INSL6: variants seen among roughly 807,000 people sequenced by gnomAD.
INSL6 encodes insulin like 6.
In INSL6, 16 loss-of-function variants were observed where a neutral mutation model predicts 9.4. That is an observed-to-expected ratio of 1.70 (90% confidence interval 1.15 to 2.59). The LOEUF is 2.59. Among genes scored for constraint, INSL6 ranks in the 30% most tolerant of loss-of-function variants. The probability of loss-of-function intolerance (pLI) is 0.00; values close to 1 mark genes in which losing one functional copy is unlikely to be tolerated. For synonymous variants in INSL6, 154 were observed against 96.9 expected (o/e 1.59, Z -3.46); for missense variants, 391 against 257.3 (o/e 1.52, Z -3.56).
the INSL6 span, among the ~76,000 whole-genome samples, chr9:5,025,178 G>C: frequency 1.3e-5 from 2 of 151,914 alleles, no homozygotes; most frequent in Non-Finnish European, 2.9e-5. Context: ...TAGGTCCTTG[G>C]AACTACCTAC....
In INSL6 at chr9:5,163,981, A is replaced by G; in HGVS notation, c.574T>C (p.Cys192Arg). 6.2e-7 allele frequency: 1 copy of G among 1,612,396 alleles called. No homozygotes were observed. Among genetic ancestry groups the G allele is most frequent in the South Asian group, 1.1e-5 (1 of 90,890 alleles). Residue 192 changes from cysteine to arginine, a missense_variant, in exon 2 of 2, where the codon TGT becomes CGT. Cys to Arg is a radical substitution (Grantham distance 180). Coordinates refer to ENST00000381641, the MANE Select transcript of INSL6 (RefSeq NM_007179.3). ...GCTKEELSIA[C>R]LPYIDFKRLK... is the part of the protein sequence containing the mutation. ...CTTTTAAAATCAATATATGGAAGAC[A>G]TGCAATGCTAAGTTCTTCTTTTGTA...
At chr9:5,087,514 CT>C in the INSL6 span, among the ~76,000 whole-genome samples, 1 of 144,014 alleles carries the variant, frequency 6.9e-6, no homozygotes, top group African/African-American at 2.7e-5. Flanking sequence ...ATCTCAAACC[CT>C]TCTGGTTTTC....
chr9:5,068,896 C>T, the INSL6 span: 2 of 575,062 alleles, frequency 3.5e-6, no homozygotes, highest in East Asian at 2.9e-5. Flanking sequence ...TATACTGGCA[C>T]TACATCGGAT....
At chr9:5,017,579 G>C in the INSL6 span, among the ~76,000 whole-genome samples, 1 of 151,904 alleles carries the variant, frequency 6.6e-6, no homozygotes, top group African/African-American at 2.4e-5. Flanking sequence ...ATGTAATGTT[G>C]TTTGACATCT....
At chr9:5,019,878 G>A in the INSL6 span, among the ~76,000 whole-genome samples, 2 of 152,194 alleles carry the variant, frequency 1.3e-5, no homozygotes, top group African/African-American at 4.8e-5. Flanking sequence ...AACTTTTGCT[G>A]GGGATGGTGA....
At chr9:5,104,668 T>C in the INSL6 span, among the ~76,000 whole-genome samples, 1 of 152,224 alleles carries the variant, frequency 6.6e-6, no homozygotes, top group Non-Finnish European at 1.5e-5. Flanking sequence ...AATAAAATAC[T>C]GGCAAACCCA....
the INSL6 span, chr9:5,094,103 C>T: frequency 6.6e-6 from 1 of 152,094 alleles, no homozygotes; most frequent in African/African-American, 2.4e-5. Flanking sequence ...TAACAATATG[C>T]CTATAATTAA....
chr9:5,169,407 C>G (rs1478177947), intron 1 of INSL6, among the ~76,000 whole-genome samples: 2 of 152,144 alleles, frequency 1.3e-5, no homozygotes, highest in Non-Finnish European at 2.9e-5. Context: ...CCATTATCAG[C>G]CACTACAAAA....
chr9:5,073,584 A>C, the INSL6 span: 2 of 784,728 alleles, frequency 2.5e-6, no homozygotes, highest in African/African-American at 3.4e-5. Flanking sequence ...ATCCTCATCT[A>C]TAGTCATGCT....
In INSL6 at chr9:5,164,270, TGAG is replaced by T; in HGVS notation, c.290-8_290-6del. The T allele has an allele frequency of 6.4e-7, 1 of 1,566,648 alleles. No homozygotes were observed. Among genetic ancestry groups the T allele is most frequent in the Non-Finnish European group, 8.7e-7 (1 of 1,144,928 alleles). ...CTTCTTCCCAAGAAGTAGACACTGT[TGAG>T]AGAGAAGAAAATAAATGCTCCTTTA... On this transcript the variant is annotated splice_polypyrimidine_tract_variant and splice_region_variant and intron_variant, in intron 1 of 1. Transcript: ENST00000381641.
downstream of INSL6, among the ~76,000 whole-genome samples, chr9:5,159,480 A>G (rs906764157): frequency 1.3e-5 from 2 of 152,180 alleles, no homozygotes; most frequent in African/African-American, 4.8e-5. Context: ...GCCAATGGAA[A>G]CCAAAAACAA....
At chr9:4,997,682 G>T in the INSL6 span, among the ~76,000 whole-genome samples, 1 of 152,104 alleles carries the variant, frequency 6.6e-6, no homozygotes. Context: ...CATTTTATAG[G>T]CAACAATTGA....
intron 2 of INSL6, among the ~76,000 whole-genome samples, chr9:5,136,922 G>C (rs936828649): frequency 1.3e-5 from 2 of 152,334 alleles, no homozygotes; most frequent in Non-Finnish European, 2.9e-5. Flanking sequence ...CTTGAGCGAA[G>C]TCTCAGGATA....
the INSL6 span, among the ~76,000 whole-genome samples, chr9:5,082,984 C>G: frequency 1.2e-4 from 19 of 152,314 alleles, 1 homozygote; most frequent in African/African-American, 4.3e-4. Context: ...ACTGATCTCT[C>G]TTTCTTTTCC....
At chr9:5,064,836 A>C in the INSL6 span, 1 of 1,382,490 alleles carries the variant, frequency 7.2e-7, no homozygotes, top group Non-Finnish European at 9.7e-7. Flanking sequence ...TTTAACATGG[A>C]GTTGACTTTC....
the INSL6 span, among the ~76,000 whole-genome samples, chr9:5,036,490 C>T: frequency 5.9e-5 from 9 of 152,190 alleles, no homozygotes; most frequent in African/African-American, 1.9e-4. Flanking sequence ...TACAAGGCTA[C>T]AGTAACCAAA....
At chr9:5,135,807 C>G (rs1824378044) in intron 2 of INSL6, among the ~76,000 whole-genome samples, 1 of 150,326 alleles carries the variant, frequency 6.7e-6, no homozygotes, top group African/African-American at 2.4e-5. Context: ...ACACAAAAAC[C>G]CTTCAAAAAA....
At chr9:5,029,619 A>G in the INSL6 span, among the ~76,000 whole-genome samples, 1 of 152,228 alleles carries the variant, frequency 6.6e-6, no homozygotes, top group Non-Finnish European at 1.5e-5. Flanking sequence ...GATTGTGATT[A>G]ATAATTCAGT....
the INSL6 span, among the ~76,000 whole-genome samples, chr9:5,115,223 AAAC>A: frequency 6.6e-6 from 1 of 152,194 alleles, no homozygotes; most frequent in Admixed American, 6.5e-5. Flanking sequence ...CACAAGAAAA[AAAC>A]AACCCCATCA....
Sources: allele counts gnomAD v4.1 joint callset (sites outside exome capture counted in the v4.1 genomes callset), GRCh38; gene constraint gnomAD v4.1.1; transcripts MANE v1.5; gene names NCBI Gene and HGNC (gene_info 2026-07-23, HGNC 2026-07-21).